Variants in IK observed in about 807,000 individuals in gnomAD.
IK encodes the protein protein Red.
Under a neutral mutation model 90.9 loss-of-function variants are expected in IK, and 47 were observed. The observed-to-expected ratio is 0.52, with a 90% CI of 0.41 to 0.66. The LOEUF (loss-of-function observed/expected upper bound fraction) is 0.66. Ranked by LOEUF, IK falls within the 30% of genes least tolerant of loss-of-function variation. IK has a pLI of 0.00. For missense variants in IK, 385 were observed against 709.3 expected, an observed-to-expected ratio of 0.54 and a Z score of 5.19; for synonymous variants, 201 against 227.5, an observed-to-expected ratio of 0.88 and a Z score of 1.05.
intron 1 of IK, chr5:140,648,144 G>A (rs1374574229): frequency 8.4e-6 from 6 of 713,516 alleles, no homozygotes; most frequent in Non-Finnish European, 1.5e-5. Flanking sequence ...CCTACTCCAA[G>A]TGATGATGGG....
Position 140,655,941 on chromosome 5 carries a change from A to G in IK, c.750A>G (p.Thr250=), listed in dbSNP as rs1243673454. 6.4e-7 allele frequency: 1 copy of G among 1,563,574 alleles called. No individual in the cohort carries two copies. ...ACCTGGATGATGAGTATGCTGACAC[A>G]GATATCCCCACCACTCTTATCCGCA... is the stretch of plus-strand genomic sequence containing the variant. ...VVDLDDEYAD[T]DIPTTLIRSK... is the part of the protein sequence containing the mutation. The change falls in exon 9 of 20, where the codon ACA becomes ACG. Residue 250 remains threonine, a synonymous_variant. Coordinates refer to ENST00000417647, the MANE Select transcript of IK (RefSeq NM_006083.4).
At chr5:140,660,288 A>ATTTTTTTT in intron 15 of IK, 93 bp downstream of exon 15, 1 of 398,152 alleles carries the variant, frequency 2.5e-6, no homozygotes, top group Non-Finnish European at 4.1e-6. Context: ...TCCCAGGGCT[A>ATTTTTTTT]CTTCTTTTTT....
chr5:140,660,719 AG>A, intron 15 of IK, 38 bp from the exon 16 acceptor site: 1 of 1,538,820 alleles, frequency 6.5e-7, no homozygotes, highest in Non-Finnish European at 9.0e-7. Flanking sequence ...GCATAGGGTC[AG>A]GGTATGCAAC....
In IK at chr5:140,648,499, C is replaced by T; in HGVS notation, c.45C>T (p.Pro15=). Reference sequence around the variant, plus strand: ...AGCCGTTCTCCAACCCTTTGGCCCCCGATGGCCACGATGTGGATGATCCTC... The same window carrying T: ...AGCCGTTCTCCAACCCTTTGGCCCCTGATGGCCACGATGTGGATGATCCTC... The part of the protein sequence containing the change: ...DSEPFSNPLA[P]DGHDVDDPHS... Residue 15 remains proline (P), a synonymous_variant, in exon 2 of 20, where the codon CCC becomes CCT. Transcript: ENST00000417647. 1 of 1,613,996 alleles carries T rather than the reference C, an allele frequency of 6.2e-7. No individual in the cohort carries two copies. The highest frequency in any genetic ancestry group is 8.5e-7 in the Non-Finnish European group (1 of 1,179,872).
chr5:140,660,816 G>T lies in IK; in HGVS notation c.1413+1G>T, dbSNP rs761655567. 6.2e-7 allele frequency: 1 copy of T among 1,611,590 alleles called. No individual in the cohort carries two copies. The highest frequency in any genetic ancestry group is 8.5e-7 in the Non-Finnish European group (1 of 1,177,838). ...GGTGGATTATAGCAAAATGGACCAG[G>T]TATGTAGTTAGAAGGATGGTGGGCG... On this transcript the variant is annotated splice_donor_variant, in intron 16 of 19. Coordinates refer to ENST00000417647, the MANE Select transcript of IK (RefSeq NM_006083.4). LOFTEE classifies it high-confidence loss of function.
chr5:140,652,925 C>T, intron 4 of IK, 52 bp from the exon 5 acceptor site: 1 of 1,567,442 alleles, frequency 6.4e-7, no homozygotes, highest in Non-Finnish European at 8.7e-7. Context: ...GTTCTGTTGA[C>T]CTTGAGGTAG....
chr5:140,653,092 G>A lies in IK; in HGVS notation c.352G>A (p.Glu118Lys). 1.2e-6 allele frequency: 2 copies of A among 1,613,824 alleles called. No individual in the cohort carries two copies. The highest frequency in any genetic ancestry group is 1.7e-6 in the Non-Finnish European group (2 of 1,179,866). ...AGTGAACAAAGATTATGAAGAAACC[G>A]AGCTTATCAGCACCACAGCTAACTA... Reference protein sequence around the residue: ...DGVNKDYEETELISTTANYRA... With the variant: ...DGVNKDYEETKLISTTANYRA... The change falls in exon 5 of 20, where the codon GAG (glutamate) becomes AAG (lysine). Residue 118 changes from glutamate (E) to lysine (K), a missense_variant. Glu to Lys is a moderately conservative substitution (Grantham distance 56). This residue lies in a region of IK where 64 missense variants were observed against 144.6 expected (regional missense o/e 0.44). Coordinates refer to ENST00000417647, the MANE Select transcript of IK (RefSeq NM_006083.4).
chr5:140,652,872 C>A, intron 4 of IK, 105 bp from the exon 5 acceptor site: 1 of 1,004,150 alleles, frequency 1.0e-6, no homozygotes, highest in Non-Finnish European at 1.5e-6. Flanking sequence ...GAGCTTTTCC[C>A]CATAGAGAGT....
chr5:140,648,398 C>T (rs1757533336), intron 1 of IK, 73 bp from the exon 2 acceptor site: 1 of 1,345,388 alleles, frequency 7.4e-7, no homozygotes, highest in African/African-American at 1.4e-5. Context: ...TTGTTCACTA[C>T]TATATCTCAA....
Position 140,648,550 on chromosome 5 carries a change from T to C in IK, c.83+13T>C. 6.2e-7 allele frequency: 1 copy of C among 1,612,584 alleles called. No homozygotes were observed. The highest frequency in any genetic ancestry group is 8.5e-7 in the Non-Finnish European group (1 of 1,178,592). The stretch of plus-strand genomic sequence containing the variant: ...ACTCCTTCCACCAGTGAGTATTTTG[T>C]GCTAGGACCATGGAAATGAGTTGGG... On this transcript the variant is annotated intron_variant, in intron 2 of 19. Coordinates refer to ENST00000417647, the MANE Select transcript of IK (RefSeq NM_006083.4).
chr5:140,651,412 C>T (rs955363156), intron 2 of IK, among the ~76,000 whole-genome samples: 3 of 145,810 alleles, frequency 2.1e-5, no homozygotes, highest in African/African-American at 5.1e-5. Flanking sequence ...GCACTCCAGC[C>T]GGGGCAACAG....
At chr5:140,657,450 C>T in intron 9 of IK, 104 bp from the exon 10 acceptor site, 1 of 773,506 alleles carries the variant, frequency 1.3e-6, no homozygotes, top group Non-Finnish European at 2.1e-6. Flanking sequence ...CCTCCCTTCA[C>T]CTACTGTATT....
At chr5:140,648,104 C>T (rs1293309423) in intron 1 of IK, 180 bp downstream of exon 1, 1 of 766,046 alleles carries the variant, frequency 1.3e-6, no homozygotes, top group East Asian at 2.6e-5. Context: ...GTGAGGCCGA[C>T]AGCTCCAAAC....
In IK at chr5:140,652,139, A is replaced by G; in HGVS notation, c.228A>G (p.Lys76=). The G allele has an allele frequency of 6.2e-7, 1 of 1,613,188 alleles. No individual in the cohort carries two copies. The highest frequency in any genetic ancestry group is 1.7e-5 in the Admixed American group (1 of 60,010). Residue 76 remains lysine (K), a synonymous_variant, in exon 4 of 20, where the codon AAA becomes AAG. Transcript: ENST00000417647. The part of the protein sequence containing the change: ...EDEDPAARRR[K]KKSYYAKLRQ... ...AAGACCCAGCTGCACGAAGGAGGAAAAAGAAAAGGTGAAGGAAGGGTGAAG... is the reference window on the plus strand; with the variant it reads ...AAGACCCAGCTGCACGAAGGAGGAAGAAGAAAAGGTGAAGGAAGGGTGAAG...
intron 5 of IK, 142 bp downstream of exon 5, chr5:140,653,286 C>G (rs201010123): frequency 8.1e-6 from 3 of 371,062 alleles, no homozygotes; most frequent in Middle Eastern, 7.5e-4. Context: ...AAGGGCTGTT[C>G]TTTTTTTTTT....
chr5:140,656,052 G>T (rs1757704134), intron 9 of IK, 60 bp downstream of exon 9: 12 of 1,506,136 alleles, frequency 8.0e-6, no homozygotes, highest in Middle Eastern at 1.7e-4. Context: ...AATCAGCCTG[G>T]CCTCTGCCCC....
intron 14 of IK, 53 bp from the exon 15 acceptor site, chr5:140,660,062 G>A: frequency 6.5e-7 from 1 of 1,526,836 alleles, no homozygotes; most frequent in Non-Finnish European, 9.0e-7. Context: ...CCTGGCTGAA[G>A]CTTTACAGCA....
chr5:140,653,249 C>A, intron 5 of IK, 105 bp downstream of exon 5: 1 of 944,484 alleles, frequency 1.1e-6, no homozygotes, highest in Non-Finnish European at 1.5e-6. Context: ...CTACAATAAG[C>A]GATTTCAGAG....
intron 8 of IK, among the ~76,000 whole-genome samples, chr5:140,655,029 G>A (rs978964030): frequency 4.0e-5 from 6 of 151,752 alleles, no homozygotes; most frequent in East Asian, 1.9e-4. Context: ...TGCCCAGGCC[G>A]GTCTCAAACT....
Sources: allele counts gnomAD v4.1 joint callset (sites outside exome capture counted in the v4.1 genomes callset), GRCh38; gene constraint gnomAD v4.1.1; regional missense constraint gnomAD v4.1.1; transcripts MANE v1.5; gene names NCBI Gene and HGNC (gene_info 2026-07-23, HGNC 2026-07-21).